The following PRKACB variants were observed in gnomAD, a reference collection of about 807,000 sequenced individuals.
The protein encoded by PRKACB is cAMP-dependent protein kinase catalytic subunit beta.
A neutral mutation model predicts 51.4 loss-of-function variants in PRKACB; 16 were observed. The observed-to-expected ratio is 0.31, with a 90% CI of 0.21 to 0.47. The LOEUF (loss-of-function observed/expected upper bound fraction) is 0.47, where lower values mean the gene tolerates loss of function less well. PRKACB is among the 20% of genes least tolerant of loss of function. The pLI is 1.00. For synonymous variants in PRKACB, 147 were observed against 154.4 expected (o/e 0.95, Z 0.35); for missense variants, 309 against 464.5 (o/e 0.67, Z 3.08).
intron 1 of PRKACB, among the ~76,000 whole-genome samples, chr1:84,110,748 T>C (rs555148984): frequency 6.6e-6 from 1 of 152,176 alleles, no homozygotes; most frequent in South Asian, 2.1e-4. Flanking sequence ...TGACAACATA[T>C]ATCTCTTCTG....
Position 84,204,976 on chromosome 1 carries a change from A to G in PRKACB, c.906+2171A>G, listed in dbSNP as rs566713721. On this transcript the variant is annotated intron_variant, in intron 8 of 9. Transcript: ENST00000370685. The stretch of plus-strand genomic sequence containing the variant: ...AAATTTTGTATCTAATAATCAGCAT[A>G]TATTCTAAAATCATAACAGTCTAAA... The G allele has an allele frequency of 7.4e-5, 73 of 981,998 alleles. 1 individual carries two copies. In the South Asian group the frequency reaches 3.1e-3, roughly 41 times the overall value. The allele number at this position is 981,998 out of a possible 1,614,324, so 60.8% of individuals were successfully genotyped here. A position where few individuals can be genotyped will look rare whatever the true frequency, so the allele number is the denominator to read the frequency against.
At chr1:84,217,453 A>G (rs954829549) in intron 9 of PRKACB, among the ~76,000 whole-genome samples, 1 of 152,010 alleles carries the variant, frequency 6.6e-6, no homozygotes, top group South Asian at 2.1e-4. Context: ...CACAGTTGCT[A>G]CATACTACAT....
In PRKACB at chr1:84,099,446, TTGAA is replaced by T. The variant is rs556036926; in HGVS notation, c.46+21078_46+21081del. On this transcript the variant is annotated intron_variant, in intron 1 of 8. Coordinates refer to the PRKACB transcript ENST00000370688. ...ATTTTTGAATTTAAAATATTCATGT[TTGAA>T]TGGTTAAATGAGAATGTACCCTTAT... Among the ~76,000 whole-genome samples the T allele has an allele frequency of 1.2e-3, 182 of 152,222 alleles. 2 individuals carry two copies. Among genetic ancestry groups the T allele is most frequent in the Non-Finnish European group, 2.3e-3 (158 of 67,982 alleles).
intron 9 of PRKACB, among the ~76,000 whole-genome samples, chr1:84,224,669 G>A (rs143467004): frequency 2.6e-5 from 4 of 152,188 alleles, no homozygotes; most frequent in African/African-American, 9.6e-5. Flanking sequence ...GGTGCACGTG[G>A]GCACAGGCTG....
intron 8 of PRKACB, among the ~76,000 whole-genome samples, chr1:84,209,433 G>A (rs555937574): frequency 1.3e-4 from 20 of 152,044 alleles, no homozygotes; most frequent in African/African-American, 3.9e-4. Flanking sequence ...CACCCTTTCA[G>A]TTGGTCAGGC....
intron 8 of PRKACB, among the ~76,000 whole-genome samples, chr1:84,205,827 T>A (rs1235332589): frequency 1.3e-5 from 2 of 152,136 alleles, no homozygotes; most frequent in Non-Finnish European, 2.9e-5. Context: ...GAGGAGGTGG[T>A]ATTTAAATGT....
intron 1 of PRKACB, among the ~76,000 whole-genome samples, chr1:84,088,615 A>G (rs1648209409): frequency 6.6e-6 from 1 of 152,222 alleles, no homozygotes; most frequent in Non-Finnish European, 1.5e-5. Flanking sequence ...AGTAGGAGCC[A>G]TGACAGGTTA....
Position 84,078,484 on chromosome 1 carries a change from C to T in PRKACB, c.46+113C>T, listed in dbSNP as rs1038919435. 84 of 1,239,444 alleles carry T rather than the reference C, an allele frequency of 6.8e-5. 1 individual carries two copies. The Middle Eastern group carries it at 1.7e-3, about 25-fold the overall frequency. The allele number at this position is 1,239,444 out of a possible 1,614,324, so 76.8% of individuals were successfully genotyped here. Reference sequence around the variant, plus strand: ...GGCACGGGCCAGGCCTAGCAGCGGCCGCCGGGAGTCGTTCTGGGGGGCCGG... The same window carrying T: ...GGCACGGGCCAGGCCTAGCAGCGGCTGCCGGGAGTCGTTCTGGGGGGCCGG... On this transcript the variant is annotated intron_variant, in intron 1 of 8. Coordinates refer to the PRKACB transcript ENST00000370688.
intron 1 of PRKACB, among the ~76,000 whole-genome samples, chr1:84,079,779 C>A (rs1490931019): frequency 6.6e-6 from 1 of 152,146 alleles, no homozygotes; most frequent in Non-Finnish European, 1.5e-5. Flanking sequence ...GATTCTCCTG[C>A]CTCAGCCTCC....
intron 8 of PRKACB, among the ~76,000 whole-genome samples, chr1:84,211,708 A>G (rs1361385447): frequency 6.6e-6 from 1 of 152,178 alleles, no homozygotes; most frequent in African/African-American, 2.4e-5. Context: ...TTAGCTCTGT[A>G]ATCTTAGGCA....
intron 2 of PRKACB, chr1:84,181,830 T>A: frequency 1.3e-6 from 1 of 773,118 alleles, no homozygotes; most frequent in Middle Eastern, 2.4e-4. Flanking sequence ...TTTGTCAGTA[T>A]GCCTCTGGTC....
intron 8 of PRKACB, 125 bp from the exon 9 acceptor site, chr1:84,214,028 G>C: frequency 1.1e-6 from 1 of 944,486 alleles, no homozygotes; most frequent in South Asian, 2.2e-5. Context: ...AGTATGTGAA[G>C]GTCATCGCTC....
chr1:84,226,485 T>C (rs773722944), intron 9 of PRKACB, among the ~76,000 whole-genome samples: 1 of 152,148 alleles, frequency 6.6e-6, no homozygotes, highest in Non-Finnish European at 1.5e-5. Context: ...ATTGCTTAAA[T>C]TTATATTTTG....
chr1:84,124,642 G>T (rs1241585596), intron 1 of PRKACB, among the ~76,000 whole-genome samples: 1 of 152,156 alleles, frequency 6.6e-6, no homozygotes, highest in Non-Finnish European at 1.5e-5. Context: ...CCTGAGGTTC[G>T]CAGTTTGCCC....
intron 9 of PRKACB, among the ~76,000 whole-genome samples, chr1:84,223,773 ACT>A (rs1674129776): frequency 6.6e-6 from 1 of 151,828 alleles, no homozygotes; most frequent in African/African-American, 2.4e-5. Context: ...CTTATATCTC[ACT>A]GAGCTTCTTT....
At chr1:84,149,018 G>T (rs1008339455) in intron 1 of PRKACB, among the ~76,000 whole-genome samples, 2 of 152,092 alleles carry the variant, frequency 1.3e-5, no homozygotes, top group Non-Finnish European at 1.5e-5. Flanking sequence ...TACTTAGTCA[G>T]AATCAGCATT....
chr1:84,233,536 C>T (rs1233339815), intron 9 of PRKACB, among the ~76,000 whole-genome samples: 2 of 117,104 alleles, frequency 1.7e-5, no homozygotes, highest in Non-Finnish European at 3.5e-5. Context: ...TTCTCCCCAT[C>T]ACTTTCAGGT....
intron 1 of PRKACB, among the ~76,000 whole-genome samples, chr1:84,134,615 A>C (rs1200670018): frequency 7.9e-6 from 1 of 126,576 alleles, no homozygotes. Flanking sequence ...TTAAGAGATA[A>C]GATTAAATAG....
chr1:84,200,837 G>A (rs764162437), intron 7 of PRKACB, among the ~76,000 whole-genome samples: 3 of 152,030 alleles, frequency 2.0e-5, no homozygotes, highest in Non-Finnish European at 4.4e-5. Context: ...TGAAATCATA[G>A]TAAATATATA....
Sources: gnomAD v4.1 joint callset for allele counts (sites outside exome capture counted in the v4.1 genomes callset) on GRCh38, gnomAD v4.1.1 for gene constraint, MANE v1.5 for transcripts, NCBI Gene and HGNC (gene_info 2026-07-23, HGNC 2026-07-21) for gene names.